Variants in HERC2 observed in about 807,000 individuals in gnomAD.
HERC2 encodes HECT and RLD domain containing E3 ubiquitin protein ligase 2.
In HERC2, 102 loss-of-function variants were observed where a neutral mutation model predicts 537.7. That is an observed-to-expected ratio of 0.19 (90% CI 0.16 to 0.22). The LOEUF (loss-of-function observed/expected upper bound fraction) is 0.22, where lower values mean the gene tolerates loss of function less well. Ranked by LOEUF, HERC2 falls within the 10% of genes least tolerant of loss-of-function variation. The pLI is 1.00. For missense variants in HERC2, 4,236 were observed against 6,198.2 expected, an observed-to-expected ratio of 0.68 and a Z score of 10.63; for synonymous variants, 2,224 against 2,466.2, an observed-to-expected ratio of 0.90 and a Z score of 2.91.
At chr15:28,293,053 C>T in intron 3 of HERC2, 31 bp from the exon 4 acceptor site, 1 of 1,594,308 alleles carries the variant, frequency 6.3e-7, no homozygotes. Context: ...TAATCTGTCA[C>T]CGCTTTTCAG....
chr15:28,282,625 T>C (rs1470714023), intron 4 of HERC2, among the ~76,000 whole-genome samples: 1 of 152,250 alleles, frequency 6.6e-6, no homozygotes, highest in East Asian at 1.9e-4. Context: ...CCAATGTGAA[T>C]AACACAGAAG....
intron 89 of HERC2, 77 bp from the exon 90 acceptor site, chr15:28,114,879 C>T: frequency 2.4e-6 from 3 of 1,255,456 alleles, no homozygotes; most frequent in Non-Finnish European, 3.4e-6. Flanking sequence ...ACCCAGCACA[C>T]TCTGTCAAGC....
intron 34 of HERC2, 58 bp from the exon 35 acceptor site, chr15:28,228,467 C>A: frequency 6.6e-7 from 1 of 1,511,008 alleles, no homozygotes; most frequent in Middle Eastern, 2.4e-4. Context: ...ATAAACGTAA[C>A]GCAGAAAGCA....
chr15:28,248,880 T>C (rs1903981603), intron 20 of HERC2, 144 bp from the exon 21 acceptor site: 1 of 658,616 alleles, frequency 1.5e-6, no homozygotes, highest in Non-Finnish European at 2.6e-6. Flanking sequence ...CCCAAGTGTG[T>C]CCAATGTATC....
chr15:28,233,597 A>G (rs1267278590), intron 28 of HERC2, 36 bp from the exon 29 acceptor site: 1 of 1,613,850 alleles, frequency 6.2e-7, no homozygotes, highest in East Asian at 2.2e-5. Context: ...GCAGGGATGA[A>G]TATGTACCTC....
Position 28,257,041 on chromosome 15 carries a change from A to T in HERC2, c.2517+20T>A. ...TAAGACACTTACAAAAGGAGGAAGA[A>T]GAAGGGAAATCATGAATACCTGAAG... On this transcript the variant is annotated intron_variant, in intron 17 of 92. Coordinates refer to ENST00000261609, the MANE Select transcript of HERC2 (RefSeq NM_004667.6). 6.2e-7 allele frequency: 1 copy of T among 1,600,824 alleles called. No homozygotes were observed.
At chr15:28,157,823 T>C (rs1346023100) in intron 69 of HERC2, among the ~76,000 whole-genome samples, 1 of 152,230 alleles carries the variant, frequency 6.6e-6, no homozygotes, top group African/African-American at 2.4e-5. Context: ...GTTCTTTTAA[T>C]TGTGATGTTA....
rs755062921 is a variant in HERC2 at position 28,169,607 on chromosome 15, C to A, written c.10106G>T (p.Gly3369Val). The change falls in exon 66 of 93, where the codon GGT (glycine) becomes GTT (valine). Residue 3369 changes from glycine (G) to valine (V), a missense_variant. Physicochemically the swap from Gly to Val is moderately radical, Grantham distance 109. Coordinates refer to ENST00000261609, the MANE Select transcript of HERC2 (RefSeq NM_004667.6). ...GCGATTTGGCTTAGAATTACTTGCA[C>A]CACTTATTTTATTACTGGCAGCAGA... Reference protein sequence around the residue: ...DSSAASNKISGASNSKPNRPS... With the variant: ...DSSAASNKISVASNSKPNRPS... The A allele has an allele frequency of 6.2e-7, 1 of 1,613,868 alleles. No homozygotes were observed. The highest frequency in any genetic ancestry group is 1.7e-5 in the Admixed American group (1 of 59,976).
chr15:28,266,580 T>C (rs1049263386), intron 12 of HERC2, among the ~76,000 whole-genome samples: 2 of 152,160 alleles, frequency 1.3e-5, no homozygotes. Flanking sequence ...CCATGGTCCA[T>C]CTGCAACAGA....
chr15:28,160,263 C>G (rs1454958046), intron 69 of HERC2, among the ~76,000 whole-genome samples: 1 of 152,204 alleles, frequency 6.6e-6, no homozygotes, highest in African/African-American at 2.4e-5. Flanking sequence ...TCAAAGCTGT[C>G]AGACAGGGAC....
chr15:28,288,280 C>T (rs2076214136), intron 4 of HERC2, among the ~76,000 whole-genome samples: 2 of 151,946 alleles, frequency 1.3e-5, no homozygotes, highest in East Asian at 3.9e-4. Flanking sequence ...CATGGTGGCT[C>T]TTTGGGAGGC....
chr15:28,315,196 G>A (rs1331660108), intron 2 of HERC2, among the ~76,000 whole-genome samples: 1 of 152,264 alleles, frequency 6.6e-6, no homozygotes, highest in Admixed American at 6.5e-5. Flanking sequence ...AGAAAAAGGG[G>A]AGGAATAAAA....
chr15:28,261,081 G>C (rs989802953), intron 15 of HERC2, 111 bp from the exon 16 acceptor site: 8 of 735,060 alleles, frequency 1.1e-5, no homozygotes, highest in African/African-American at 1.8e-5. Flanking sequence ...ACTTCTTGAG[G>C]ATAATCTGCT....
At chr15:28,249,805 GC>G (rs1271420760) in intron 20 of HERC2, among the ~76,000 whole-genome samples, 1 of 148,370 alleles carries the variant, frequency 6.7e-6, no homozygotes, top group Non-Finnish European at 1.5e-5. Flanking sequence ...ACGCCACCAC[GC>G]CAAGCTAACT....
intron 2 of HERC2, among the ~76,000 whole-genome samples, chr15:28,318,000 C>T (rs535963584): frequency 6.6e-6 from 1 of 152,284 alleles, no homozygotes; most frequent in African/African-American, 2.4e-5. Flanking sequence ...GGAAATTCAT[C>T]TGAGTGCAGC....
intron 38 of HERC2, among the ~76,000 whole-genome samples, chr15:28,216,930 CCACA>C (rs1048949074): frequency 6.6e-6 from 1 of 152,022 alleles, no homozygotes; most frequent in East Asian, 1.9e-4. Flanking sequence ...ACACCTTTAC[CCACA>C]CACTTTCTCA....
chr15:28,319,990 T>A (rs543683518), intron 2 of HERC2: 3 of 152,186 alleles, frequency 2.0e-5, no homozygotes, highest in South Asian at 4.2e-4. Context: ...CAGATCATTA[T>A]AGCTAAATCA....
intron 2 of HERC2, among the ~76,000 whole-genome samples, chr15:28,311,710 G>A (rs1285365477): frequency 3.3e-5 from 5 of 151,968 alleles, no homozygotes; most frequent in African/African-American, 4.8e-5. Context: ...CAAATGGACT[G>A]TAGGTGATGT....
At chr15:28,312,547 C>A (rs1173474188) in intron 2 of HERC2, among the ~76,000 whole-genome samples, 1 of 152,170 alleles carries the variant, frequency 6.6e-6, no homozygotes, top group African/African-American at 2.4e-5. Flanking sequence ...AGGACGGTCA[C>A]CTGCACCCAG....
Sources: gnomAD v4.1 joint callset for allele counts (sites outside exome capture counted in the v4.1 genomes callset) on GRCh38, gnomAD v4.1.1 for gene constraint, MANE v1.5 for transcripts, NCBI Gene and HGNC (gene_info 2026-07-23, HGNC 2026-07-21) for gene names.